Variants in FAM184B observed in about 807,000 individuals in gnomAD.
FAM184B encodes family with sequence similarity 184 member B, also known as protein FAM184B.
FAM184B carries 111 observed loss-of-function variants against 135.9 expected under a neutral mutation model. The observed-to-expected ratio is 0.82, with a 90% confidence interval of 0.70 to 0.96. The LOEUF (loss-of-function observed/expected upper bound fraction) is 0.96. FAM184B is among the 40% of genes least tolerant of loss of function. The pLI, the probability that FAM184B is intolerant of heterozygous loss-of-function variation, is 0.00. For synonymous variants in FAM184B, 552 were observed against 524.8 expected, an observed-to-expected ratio of 1.05 and a Z score of -0.71; for missense variants, 1,375 against 1,323.9, an observed-to-expected ratio of 1.04 and a Z score of -0.60.
chr4:17,741,511 T>G (rs1040765367), intron 1 of FAM184B, among the ~76,000 whole-genome samples: 3 of 151,838 alleles, frequency 2.0e-5, no homozygotes, highest in African/African-American at 7.3e-5. Context: ...CTGGCCAACA[T>G]GATGAAACCC....
At chr4:17,708,851 G>A (rs1459875325) in intron 2 of FAM184B, 41 bp downstream of exon 2, 2 of 1,465,648 alleles carry the variant, frequency 1.4e-6, no homozygotes, top group African/African-American at 2.9e-5. Flanking sequence ...CAGCCCTGCT[G>A]ATTTATCCCT....
At chr4:17,693,598 C>A (rs1716787746) in intron 5 of FAM184B, among the ~76,000 whole-genome samples, 186 bp from the exon 6 acceptor site, 1 of 152,100 alleles carries the variant, frequency 6.6e-6, no homozygotes, top group Non-Finnish European at 1.5e-5. Context: ...CAACACAAAG[C>A]CTGATATATA....
chr4:17,751,863 A>ACACACACACG (rs1718301086), intron 1 of FAM184B, among the ~76,000 whole-genome samples: 1 of 151,192 alleles, frequency 6.6e-6, no homozygotes, highest in East Asian at 1.9e-4. Flanking sequence ...ACACACACAC[A>ACACACACACG]CACAAAAGAA....
At chr4:17,719,710 T>C (rs1482421355) in intron 1 of FAM184B, among the ~76,000 whole-genome samples, 1 of 152,196 alleles carries the variant, frequency 6.6e-6, no homozygotes, top group African/African-American at 2.4e-5. Flanking sequence ...TCCATTTTTC[T>C]ACACCCCTTT....
chr4:17,758,781 C>G (rs1327949175), intron 1 of FAM184B, among the ~76,000 whole-genome samples: 1 of 152,166 alleles, frequency 6.6e-6, no homozygotes, highest in Non-Finnish European at 1.5e-5. Flanking sequence ...CTTCCCACAG[C>G]ACTCTGCAGT....
intron 5 of FAM184B, among the ~76,000 whole-genome samples, chr4:17,701,709 T>C (rs140849715): frequency 5.3e-5 from 8 of 152,326 alleles, no homozygotes; most frequent in African/African-American, 1.4e-4. Context: ...GCACCTGCAG[T>C]ATCCAGGGGC....
At chr4:17,756,860 G>T (rs765528738) in intron 1 of FAM184B, among the ~76,000 whole-genome samples, 2 of 152,174 alleles carry the variant, frequency 1.3e-5, no homozygotes, top group Non-Finnish European at 2.9e-5. Context: ...GGAGGTGGAG[G>T]TTGCAGTGAG....
At position 17,695,161 on chromosome 4, in the gene FAM184B, TG is replaced by T. The variant is rs781360613; in HGVS notation, c.1378-1750del. Among the ~76,000 whole-genome samples, 4 of 9,550 alleles carry T rather than the reference TG, an allele frequency of 4.2e-4. No homozygotes were observed. The Admixed American group carries it at 8.4e-3, about 20-fold the overall frequency. 6.3% of individuals were successfully genotyped at this position (9,550 alleles called of 152,430 possible). A position where few individuals can be genotyped will look rare whatever the true frequency, so the allele number is the denominator to read the frequency against. ...TAAGCTGGCTACTGTTTTTCTTTGT[TG>T]TTTTTTTTTTTTCTGAGACAGGGTC... On this transcript the variant is annotated intron_variant, in intron 5 of 17. Coordinates refer to ENST00000265018, the MANE Select transcript of FAM184B (RefSeq NM_015688.2).
chr4:17,705,217 A>T lies in FAM184B; in HGVS notation c.1171-11T>A. On this transcript the variant is annotated splice_polypyrimidine_tract_variant and intron_variant, in intron 4 of 17. Transcript: ENST00000265018. ...TGCCTCTTTCTTGGTCTATAAAAAG[A>T]AAAAGGACCTTGTAAAACCACTGGG... The T allele has an allele frequency of 6.5e-7, 1 of 1,548,400 alleles. No individual in the cohort carries two copies. The highest frequency in any genetic ancestry group is 8.7e-7 in the Non-Finnish European group (1 of 1,145,534).
intron 11 of FAM184B, among the ~76,000 whole-genome samples, chr4:17,650,902 AT>A (rs112123247): frequency 3.5e-4 from 52 of 150,594 alleles, no homozygotes; most frequent in African/African-American, 4.9e-4. Flanking sequence ...ACTTTTCCTA[AT>A]TTTTTTTTTT....
At chr4:17,738,976 T>G (rs955992623) in intron 1 of FAM184B, among the ~76,000 whole-genome samples, 7 of 152,252 alleles carry the variant, frequency 4.6e-5, no homozygotes, top group Non-Finnish European at 1.0e-4. Context: ...TTTTACCAGA[T>G]GCCCAGTCTT....
intron 1 of FAM184B, among the ~76,000 whole-genome samples, chr4:17,724,096 C>CA (rs917427879): frequency 1.2e-3 from 176 of 141,914 alleles, no homozygotes; most frequent in African/African-American, 4.3e-3. Flanking sequence ...AAGAGGGAGG[C>CA]AAAAAAACAA....
At chr4:17,759,386 G>T (rs895926545) in intron 1 of FAM184B, among the ~76,000 whole-genome samples, 3 of 152,198 alleles carry the variant, frequency 2.0e-5, no homozygotes, top group African/African-American at 7.2e-5. Context: ...ACGATTGAAA[G>T]TTTCCTGAGG....
chr4:17,636,167 G>A (rs1048900040), intron 15 of FAM184B, among the ~76,000 whole-genome samples: 3 of 152,016 alleles, frequency 2.0e-5, no homozygotes, highest in Admixed American at 6.6e-5. Flanking sequence ...GTGCAGTGGC[G>A]CTATGCTGGC....
At chr4:17,667,535 C>A (rs1475529933) in intron 7 of FAM184B, among the ~76,000 whole-genome samples, 1 of 152,198 alleles carries the variant, frequency 6.6e-6, no homozygotes, top group Non-Finnish European at 1.5e-5. Context: ...AATCCACTGC[C>A]CACTGTGCCC....
At chr4:17,744,744 A>AAAGAAAC (rs1482876674) in intron 1 of FAM184B, among the ~76,000 whole-genome samples, 3 of 152,080 alleles carry the variant, frequency 2.0e-5, no homozygotes, top group African/African-American at 7.2e-5. Flanking sequence ...AAAAAAGAAA[A>AAAGAAAC]AAGCCACCAA....
intron 1 of FAM184B, among the ~76,000 whole-genome samples, chr4:17,722,669 C>A (rs1442028985): frequency 6.6e-6 from 1 of 152,136 alleles, no homozygotes; most frequent in Non-Finnish European, 1.5e-5. Flanking sequence ...CAGGCCCAGT[C>A]CAACCCTCAC....
At chr4:17,651,131 G>T (rs188061688) in intron 11 of FAM184B, among the ~76,000 whole-genome samples, 6 of 152,188 alleles carry the variant, frequency 3.9e-5, no homozygotes, top group Admixed American at 3.9e-4. Flanking sequence ...ATGGTGAGAG[G>T]TTATTTGTCT....
chr4:17,725,653 T>A (rs1426499240), intron 1 of FAM184B, among the ~76,000 whole-genome samples: 1 of 152,196 alleles, frequency 6.6e-6, no homozygotes, highest in Non-Finnish European at 1.5e-5. Context: ...TTTTCACTAA[T>A]GGTGACAGTC....
Sources: allele counts gnomAD v4.1 joint callset (sites outside exome capture counted in the v4.1 genomes callset), GRCh38; gene constraint gnomAD v4.1.1; transcripts MANE v1.5; gene names NCBI Gene and HGNC (gene_info 2026-07-23, HGNC 2026-07-21).